The following LRRIQ3 variants were observed in gnomAD, a reference collection of about 807,000 sequenced individuals.
LRRIQ3 encodes the protein leucine-rich repeat and IQ domain-containing protein 3.
A neutral mutation model predicts 59.3 loss-of-function variants in LRRIQ3; 75 were observed. The ratio of observed to expected loss-of-function variants is 1.26; its 90% confidence interval spans 1.05 to 1.53. The LOEUF (loss-of-function observed/expected upper bound fraction) is 1.53. Ranked by LOEUF, LRRIQ3 falls within the 40% of genes most tolerant of loss-of-function variation. The pLI is 0.00. For missense variants in LRRIQ3, 831 were observed against 710.0 expected, an observed-to-expected ratio of 1.17 and a Z score of -1.94; for synonymous variants, 250 against 231.3, an observed-to-expected ratio of 1.08 and a Z score of -0.73.
intron 3 of LRRIQ3, among the ~76,000 whole-genome samples, chr1:74,170,424 C>G (rs1044517178): frequency 6.6e-6 from 1 of 152,074 alleles, no homozygotes; most frequent in Non-Finnish European, 1.5e-5. Context: ...AAGAGAATAT[C>G]TTTTCTCTGC....
intron 1 of LRRIQ3, among the ~76,000 whole-genome samples, chr1:74,197,266 A>G (rs568433571): frequency 6.6e-6 from 1 of 152,362 alleles, no homozygotes; most frequent in Admixed American, 6.5e-5. Context: ...GAAGACGTTG[A>G]TACAGAGAAA....
At chr1:74,193,223 C>G (rs1570291697) in intron 1 of LRRIQ3, among the ~76,000 whole-genome samples, 1 of 152,032 alleles carries the variant, frequency 6.6e-6, no homozygotes, top group Non-Finnish European at 1.5e-5. Context: ...TTATCAAGTT[C>G]AAATAATAAT....
At chr1:74,075,298 G>A (rs1390820396) in intron 5 of LRRIQ3, among the ~76,000 whole-genome samples, 1 of 152,120 alleles carries the variant, frequency 6.6e-6, no homozygotes, top group Non-Finnish European at 1.5e-5. Context: ...CAGGCACAGG[G>A]GCTCACACCT....
rs1650743352 is a variant in LRRIQ3, at chr1:74,191,167, C to T, written c.-1+6829G>A. On this transcript the variant is annotated intron_variant, in intron 1 of 7. Coordinates refer to ENST00000354431, the MANE Select transcript of LRRIQ3 (RefSeq NM_001105659.2). The stretch of plus-strand genomic sequence containing the variant: ...TTAACAATTCGAGATAAAATATATG[C>T]TTCAAAAACTATATCAAGGACACTG... Among the ~76,000 whole-genome samples, 4 of 152,176 alleles carry T rather than the reference C, an allele frequency of 2.6e-5. No individual in the cohort carries two copies. In the South Asian group the frequency reaches 8.3e-4, roughly 32 times the overall value.
intron 1 of LRRIQ3, among the ~76,000 whole-genome samples, chr1:74,196,396 G>C (rs2100752477): frequency 6.6e-6 from 1 of 152,112 alleles, no homozygotes; most frequent in African/African-American, 2.4e-5. Context: ...ACCTCACTTA[G>C]TTCCACAGTT....
intron 5 of LRRIQ3, chr1:74,084,299 A>T (rs960339480): frequency 6.5e-6 from 9 of 1,375,000 alleles, no homozygotes; most frequent in Non-Finnish European, 8.9e-6. Flanking sequence ...AACAATAATC[A>T]GCAAACATTA....
At chr1:74,060,080 T>C (rs1056949672) in intron 6 of LRRIQ3, among the ~76,000 whole-genome samples, 2 of 152,144 alleles carry the variant, frequency 1.3e-5, no homozygotes, top group African/African-American at 2.4e-5. Flanking sequence ...TGTATTCCTT[T>C]ATCATCCTTT....
intron 5 of LRRIQ3, among the ~76,000 whole-genome samples, chr1:74,091,363 T>G (rs1013433714): frequency 6.6e-6 from 1 of 152,086 alleles, no homozygotes; most frequent in Non-Finnish European, 1.5e-5. Context: ...ATTTTCACAA[T>G]TGATATTTCA....
At chr1:74,033,343 T>A (rs1653775566) in intron 7 of LRRIQ3, among the ~76,000 whole-genome samples, 3 of 151,684 alleles carry the variant, frequency 2.0e-5, no homozygotes, top group South Asian at 4.1e-4. Flanking sequence ...AAAATAATAA[T>A]TGAATTAAAG....
chr1:74,189,560 G>A (rs1650623823), intron 1 of LRRIQ3, among the ~76,000 whole-genome samples: 1 of 152,042 alleles, frequency 6.6e-6, no homozygotes, highest in Non-Finnish European at 1.5e-5. Context: ...GATATGGTTG[G>A]GCTGTGTCCC....
chr1:74,030,779 A>G (rs574307514), intron 7 of LRRIQ3, among the ~76,000 whole-genome samples: 1 of 152,324 alleles, frequency 6.6e-6, no homozygotes, highest in African/African-American at 2.4e-5. Context: ...ATTAAACTAA[A>G]GAGCTTCTGC....
At chr1:74,088,730 GA>G (rs1026079113) in intron 5 of LRRIQ3, among the ~76,000 whole-genome samples, 6 of 151,116 alleles carry the variant, frequency 4.0e-5, no homozygotes, top group African/African-American at 9.7e-5. Flanking sequence ...AGAAAACATA[GA>G]AAAAAAATCT....
Position 74,041,663 on chromosome 1 carries a change from A to C in LRRIQ3, c.1268T>G (p.Ile423Ser). 2 of 1,613,634 alleles carry C rather than the reference A, an allele frequency of 1.2e-6. No individual in the cohort carries two copies. Among genetic ancestry groups the C allele is most frequent in the East Asian group, 2.2e-5 (1 of 44,838 alleles). Residue 423 changes from isoleucine (I) to serine (S), a missense_variant, in exon 7 of 8, where the codon ATT becomes AGT. Physicochemically the swap from Ile to Ser is moderately radical, Grantham distance 142 (BLOSUM62 -2). Transcript: ENST00000354431. Reference sequence around the variant, plus strand: ...CTTTTGTTCTGTGTAATATTTGTCAATATCACTAAATGTTCGGAGTTTCAT... The same window carrying C: ...CTTTTGTTCTGTGTAATATTTGTCACTATCACTAAATGTTCGGAGTTTCAT... ...AGMKLRTFSD[I>S]DKYYTEQKKQ... is the part of the protein sequence containing the mutation.
At chr1:74,122,972 G>A (rs943122084) in intron 4 of LRRIQ3, among the ~76,000 whole-genome samples, 1 of 152,014 alleles carries the variant, frequency 6.6e-6, no homozygotes, top group Middle Eastern at 3.4e-3. Context: ...TGAACTTCTC[G>A]TTACTTTTCT....
At chr1:74,051,126 T>G (rs376870962) in intron 6 of LRRIQ3, among the ~76,000 whole-genome samples, 28 of 152,218 alleles carry the variant, frequency 1.8e-4, no homozygotes, top group Non-Finnish European at 3.8e-4. Flanking sequence ...TTAGACATTC[T>G]GTAAAGAAGT....
At chr1:74,033,296 A>C (rs1653774203) in intron 7 of LRRIQ3, among the ~76,000 whole-genome samples, 1 of 152,070 alleles carries the variant, frequency 6.6e-6, no homozygotes, top group Non-Finnish European at 1.5e-5. Flanking sequence ...CAAGGCAATG[A>C]AATGAAAGAA....
At chr1:74,031,196 C>A (rs78994872) in intron 7 of LRRIQ3, among the ~76,000 whole-genome samples, 44,788 of 152,006 alleles carry the variant, frequency 0.29, 7,483 homozygotes, top group Middle Eastern at 0.44. Flanking sequence ...TTGTGGAAGA[C>A]AGTGTGGCAA....
intron 4 of LRRIQ3, among the ~76,000 whole-genome samples, chr1:74,133,255 C>T (rs1427512737): frequency 1.3e-5 from 2 of 152,144 alleles, no homozygotes; most frequent in African/African-American, 4.8e-5. Context: ...CACTTTTATA[C>T]TGTTGGTGGA....
intron 5 of LRRIQ3, among the ~76,000 whole-genome samples, chr1:74,097,848 C>T (rs1040754513): frequency 2.0e-5 from 3 of 151,992 alleles, no homozygotes; most frequent in Non-Finnish European, 4.4e-5. Context: ...TACAGACAAG[C>T]AAAAGTTGAG....
Sources: gnomAD v4.1 joint callset for allele counts (sites outside exome capture counted in the v4.1 genomes callset) on GRCh38, gnomAD v4.1.1 for gene constraint, MANE v1.5 for transcripts, NCBI Gene and HGNC (gene_info 2026-07-23, HGNC 2026-07-21) for gene names.